The following ELAPOR2 variants were observed in gnomAD, a reference collection of about 807,000 sequenced individuals.
ELAPOR2 encodes the protein endosome-lysosome associated apoptosis and autophagy regulator family member 2, also known as endosome/lysosome-associated apoptosis and autophagy regulator family member 2.
Under a neutral mutation model 120.7 loss-of-function variants are expected in ELAPOR2, and 89 were observed. The ratio of observed to expected loss-of-function variants is 0.74; its 90% CI spans 0.62 to 0.88. The LOEUF is 0.88. Ranked by LOEUF, ELAPOR2 falls within the 40% of genes least tolerant of loss-of-function variation. The probability of loss-of-function intolerance (pLI) is 0.00; values close to 1 mark genes in which losing one functional copy is unlikely to be tolerated. For missense variants in ELAPOR2, 1,134 were observed against 1,251.6 expected (o/e 0.91, Z 1.42); for synonymous variants, 444 against 444.9 (o/e 1.00, Z 0.03).
chr7:86,971,570 C>CA (rs1792108587), intron 1 of ELAPOR2, among the ~76,000 whole-genome samples: 1 of 152,164 alleles, frequency 6.6e-6, no homozygotes, highest in Non-Finnish European at 1.5e-5. Flanking sequence ...TATCTAATTA[C>CA]ATTTAAACTT....
At chr7:86,914,699 TA>T (rs758472470) in intron 13 of ELAPOR2, 23 bp downstream of exon 13, 18 of 1,584,528 alleles carry the variant, frequency 1.1e-5, no homozygotes, top group Admixed American at 3.7e-5. Flanking sequence ...TTTAAAATTT[TA>T]AAAAAAAGTG....
intron 10 of ELAPOR2, among the ~76,000 whole-genome samples, chr7:86,924,594 T>C (rs2116214595): frequency 6.6e-6 from 1 of 152,086 alleles, no homozygotes; most frequent in South Asian, 2.1e-4. Flanking sequence ...TTAAGTGGGA[T>C]TGTTGGTCAA....
At chr7:86,967,913 C>T (rs774126150) in intron 1 of ELAPOR2, among the ~76,000 whole-genome samples, 1 of 152,170 alleles carries the variant, frequency 6.6e-6, no homozygotes, top group Non-Finnish European at 1.5e-5. Context: ...AAACCTATTT[C>T]ATGCAGAGGG....
chr7:87,044,600 A>T (rs1021960965), intron 1 of ELAPOR2, among the ~76,000 whole-genome samples: 6 of 151,512 alleles, frequency 4.0e-5, no homozygotes, highest in Non-Finnish European at 5.9e-5. Flanking sequence ...TTATACAAAA[A>T]TCAATTCAAG....
At chr7:86,957,007 G>A (rs561708300) in intron 2 of ELAPOR2, among the ~76,000 whole-genome samples, 1 of 152,110 alleles carries the variant, frequency 6.6e-6, no homozygotes, top group Non-Finnish European at 1.5e-5. Flanking sequence ...CAGTTTTGAG[G>A]GCTGAGTTTT....
At chr7:87,025,072 G>T (rs1404349354) in intron 1 of ELAPOR2, among the ~76,000 whole-genome samples, 2 of 151,180 alleles carry the variant, frequency 1.3e-5, no homozygotes, top group Non-Finnish European at 2.9e-5. Flanking sequence ...GATAAACCAA[G>T]TCAGAATTAT....
At chr7:87,002,507 T>C (rs972324331) in intron 1 of ELAPOR2, among the ~76,000 whole-genome samples, 1 of 152,078 alleles carries the variant, frequency 6.6e-6, no homozygotes, top group Admixed American at 6.6e-5. Flanking sequence ...CCACTCAACT[T>C]TTCTTAGAGT....
intron 5 of ELAPOR2, among the ~76,000 whole-genome samples, chr7:86,941,140 T>C (rs1237147063): frequency 1.3e-5 from 2 of 152,070 alleles, no homozygotes; most frequent in Non-Finnish European, 2.9e-5. Context: ...TTGATCTATA[T>C]TGTAGGCACT....
At chr7:86,982,213 A>G (rs1160527786) in intron 1 of ELAPOR2, among the ~76,000 whole-genome samples, 1 of 152,272 alleles carries the variant, frequency 6.6e-6, no homozygotes, top group Non-Finnish European at 1.5e-5. Context: ...GCCTCTGTAC[A>G]TTCCACTTCT....
At chr7:86,985,661 A>G (rs1314289765) in intron 1 of ELAPOR2, among the ~76,000 whole-genome samples, 1 of 152,162 alleles carries the variant, frequency 6.6e-6, no homozygotes, top group East Asian at 1.9e-4. Flanking sequence ...AAAAACTCTC[A>G]ATACACTAGG....
chr7:87,040,131 G>C (rs1045752176), intron 1 of ELAPOR2, among the ~76,000 whole-genome samples: 3 of 152,238 alleles, frequency 2.0e-5, no homozygotes, highest in African/African-American at 4.8e-5. Context: ...CGCCCACGGA[G>C]TCTCGCTGAT....
At chr7:86,977,848 G>T (rs1216052033) in intron 1 of ELAPOR2, among the ~76,000 whole-genome samples, 3 of 152,100 alleles carry the variant, frequency 2.0e-5, no homozygotes, top group African/African-American at 7.2e-5. Flanking sequence ...TAAAAATTAA[G>T]ATACCCTTTA....
At chr7:86,940,892 C>T (rs1035723100) in intron 5 of ELAPOR2, among the ~76,000 whole-genome samples, 16 of 151,966 alleles carry the variant, frequency 1.1e-4, no homozygotes, top group Non-Finnish European at 1.5e-5. Context: ...AGCACTTTCC[C>T]TTGTATTAAG....
At chr7:86,978,621 G>A (rs569555920) in intron 1 of ELAPOR2, among the ~76,000 whole-genome samples, 4 of 152,258 alleles carry the variant, frequency 2.6e-5, no homozygotes, top group Non-Finnish European at 4.4e-5. Context: ...GTCTAAGAAG[G>A]AGGCTGAGGC....
intron 10 of ELAPOR2, among the ~76,000 whole-genome samples, chr7:86,921,275 GA>G (rs1789816757): frequency 1.3e-5 from 2 of 152,106 alleles, no homozygotes; most frequent in African/African-American, 4.8e-5. Flanking sequence ...ATCAAATTAA[GA>G]TGAGGTTATA....
At chr7:86,996,625 T>C (rs1241945537) in intron 1 of ELAPOR2, among the ~76,000 whole-genome samples, 2 of 152,200 alleles carry the variant, frequency 1.3e-5, no homozygotes, top group Non-Finnish European at 2.9e-5. Flanking sequence ...GAAATAACTC[T>C]CATTTCTTAA....
chr7:86,941,115 T>C (rs984270319), intron 5 of ELAPOR2, among the ~76,000 whole-genome samples: 20 of 152,070 alleles, frequency 1.3e-4, no homozygotes, highest in African/African-American at 4.6e-4. Flanking sequence ...TGATGGTCAC[T>C]TATTGAAATA....
At position 87,040,246 on chromosome 7, in the gene ELAPOR2, G is replaced by T. The variant is rs1194216442; in HGVS notation, c.189+19079C>A. 2.6e-5 allele frequency among the ~76,000 whole-genome samples: 4 copies of T among 152,388 alleles called. No homozygotes were observed. In the East Asian group the frequency reaches 7.7e-4, roughly 29 times the overall value. On this transcript the variant is annotated intron_variant, in intron 1 of 21. Transcript: ENST00000450689. ...CTTAGGTAAACAAAGCAGCCGGAAAGCTCGAACTGGGTGGAGCCCACCACA... is the reference window on the plus strand; with the variant it reads ...CTTAGGTAAACAAAGCAGCCGGAAATCTCGAACTGGGTGGAGCCCACCACA...
intron 1 of ELAPOR2, among the ~76,000 whole-genome samples, chr7:86,992,983 A>G (rs1457843610): frequency 6.6e-6 from 1 of 152,116 alleles, no homozygotes; most frequent in Admixed American, 6.6e-5. Context: ...CACACCTATA[A>G]TCCCAACACT....
Sources: gnomAD v4.1 joint callset for allele counts (sites outside exome capture counted in the v4.1 genomes callset) on GRCh38, gnomAD v4.1.1 for gene constraint, MANE v1.5 for transcripts, NCBI Gene and HGNC (gene_info 2026-07-23, HGNC 2026-07-21) for gene names.